FAT1: variants seen among roughly 807,000 people sequenced by gnomAD.
FAT1 encodes the protein FAT atypical cadherin 1.
A neutral mutation model predicts 329.8 loss-of-function variants in FAT1; 171 were observed. That is an observed-to-expected ratio of 0.52 (90% CI 0.46 to 0.59). The LOEUF is 0.59. Ranked by LOEUF, FAT1 falls within the 20% of genes least tolerant of loss-of-function variation. FAT1 has a pLI of 0.00. For missense variants in FAT1, 5,672 were observed against 5,774.4 expected (o/e 0.98, Z 0.57); for synonymous variants, 2,233 against 2,228.6 (o/e 1.00, Z -0.06).
At position 186,628,636 on chromosome 4, in the gene FAT1, T is replaced by C; in HGVS notation, c.4451A>G (p.Asp1484Gly). The C allele has an allele frequency of 6.2e-7, 1 of 1,614,004 alleles. No homozygotes were observed. Among genetic ancestry groups the C allele is most frequent in the Non-Finnish European group, 8.5e-7 (1 of 1,179,884 alleles). Residue 1484 changes from aspartate to glycine, a missense_variant, in exon 8 of 27, where the codon GAT becomes GGT. Asp to Gly is a moderately conservative substitution (Grantham distance 94, BLOSUM62 -1). This residue lies in a region of FAT1 where 3,966 missense variants were observed against 3,915.2 expected (regional missense o/e 1.01). Transcript: ENST00000441802. ...EILQISAVDQDEKNKLIYTLQ... is the reference protein window; with the variant it reads ...EILQISAVDQGEKNKLIYTLQ... The stretch of plus-strand genomic sequence containing the variant: ...AGTGTAGATTAGTTTGTTTTTCTCA[T>C]CCTGATCCACAGCACTGATTTGCAA...
intron 2 of FAT1, among the ~76,000 whole-genome samples, chr4:186,705,194 T>G (rs1456085214): frequency 6.6e-6 from 1 of 150,524 alleles, no homozygotes; most frequent in Non-Finnish European, 1.5e-5. Context: ...TCCTCCCACC[T>G]GCGCCTCCCA....
intron 4 of FAT1, among the ~76,000 whole-genome samples, chr4:186,638,897 G>C (rs995046831): frequency 6.6e-6 from 1 of 151,848 alleles, no homozygotes; most frequent in Non-Finnish European, 1.5e-5. Context: ...ACACGGGACA[G>C]AGAGATGTCT....
intron 2 of FAT1, among the ~76,000 whole-genome samples, chr4:186,688,948 A>G (rs187229491): frequency 1.2e-3 from 176 of 152,332 alleles, no homozygotes; most frequent in Non-Finnish European, 1.0e-3. Context: ...GGAAAATTCC[A>G]TAAACCTGAA....
intron 14 of FAT1, among the ~76,000 whole-genome samples, chr4:186,611,054 G>GA (rs1484369237): frequency 4.6e-5 from 7 of 152,082 alleles, no homozygotes; most frequent in Admixed American, 6.6e-5. Flanking sequence ...ATTACATAAG[G>GA]ACCTCTACTA....
chr4:186,665,167 T>C (rs889072713), intron 2 of FAT1, among the ~76,000 whole-genome samples: 1 of 152,238 alleles, frequency 6.6e-6, no homozygotes, highest in African/African-American at 2.4e-5. Context: ...CATTATTTCA[T>C]ACTGAACCTT....
upstream of FAT1, among the ~76,000 whole-genome samples, chr4:186,724,709 G>T (rs571082027): frequency 1.3e-5 from 2 of 152,208 alleles, no homozygotes; most frequent in Non-Finnish European, 2.9e-5. The surrounding 1 kb of genome is among the most constrained non-coding windows in gnomAD (Gnocchi z 5.3). Flanking sequence ...GTGCGGGCAG[G>T]GCTCCAGCCG....
rs371459868 is a variant in FAT1, at chr4:186,588,687, C to T, written c.13672G>A (p.Glu4558Lys). Residue 4558 changes from glutamate (E) to lysine (K), a missense_variant, in exon 27 of 27, where the codon GAG becomes AAG. Glu to Lys is a moderately conservative substitution (Grantham distance 56, BLOSUM62 1). This residue lies in a region of FAT1 where 1,706 missense variants were observed against 1,859.1 expected (regional missense o/e 0.92). Coordinates refer to ENST00000441802, the MANE Select transcript of FAT1 (RefSeq NM_005245.4). ...CTCTCATAGTCACTCATCATGACCT[C>T]GGACTCCACTTCGCAGCAGGCTGAC... ...DVSACCEVESEVMMSDYESGD... is the reference protein window; with the variant it reads ...DVSACCEVESKVMMSDYESGD... The T allele has an allele frequency of 2.6e-5, 42 of 1,613,840 alleles. No individual in the cohort carries two copies. Among genetic ancestry groups the T allele is most frequent in the Non-Finnish European group, 3.2e-5 (38 of 1,179,890 alleles).
Position 186,600,171 on chromosome 4 carries a change from G to A in FAT1, c.11830C>T (p.Leu3944=), listed in dbSNP as rs2126412991. ...AAAAACACATAGTTATCCAGGTTCA[G>A]GGTTTTCAGAGTCCCTGGGGCTGTG... The part of the protein sequence containing the change: ...SGTAPGTLKT[L]NLDNYVFFGG... Residue 3944 remains leucine, a synonymous_variant, in exon 22 of 27, where the codon CTG becomes TTG. Coordinates refer to ENST00000441802, the MANE Select transcript of FAT1 (RefSeq NM_005245.4). 6.2e-7 allele frequency: 1 copy of A among 1,614,068 alleles called. No individual in the cohort carries two copies. Among genetic ancestry groups the A allele is most frequent in the Non-Finnish European group, 8.5e-7 (1 of 1,179,900 alleles).
chr4:186,711,878 C>T (rs1183035998), intron 1 of FAT1, among the ~76,000 whole-genome samples: 1 of 152,188 alleles, frequency 6.6e-6, no homozygotes, highest in Non-Finnish European at 1.5e-5. Context: ...CGAGATCGCG[C>T]CACTGCACTC....
In FAT1 at chr4:186,620,542, T is replaced by C. The variant is rs755130565; in HGVS notation, c.6044A>G (p.His2015Arg). 1.2e-6 allele frequency: 2 copies of C among 1,613,986 alleles called. No individual in the cohort carries two copies. The highest frequency in any genetic ancestry group is 1.7e-6 in the Non-Finnish European group (2 of 1,179,894). ...AAATCTGCGATCTGGGTTGAGGATG[T>C]GATAAAACAAAGGCTCATTGATTGG... is the stretch of plus-strand genomic sequence containing the variant. ...GNPINEPLFYHILNPDRRFKI... is the reference protein window; with the variant it reads ...GNPINEPLFYRILNPDRRFKI... Residue 2015 changes from histidine (H) to arginine (R), a missense_variant, in exon 10 of 27, where the codon CAC becomes CGC. Coordinates refer to ENST00000441802, the MANE Select transcript of FAT1 (RefSeq NM_005245.4).
At chr4:186,604,851 G>C (rs575989763) in intron 17 of FAT1, among the ~76,000 whole-genome samples, 1 of 151,890 alleles carries the variant, frequency 6.6e-6, no homozygotes. Flanking sequence ...AAGCAGACAC[G>C]AGGAGGAGTG....
At chr4:186,651,972 T>C (rs555874867) in intron 3 of FAT1, among the ~76,000 whole-genome samples, 14 of 152,342 alleles carry the variant, frequency 9.2e-5, no homozygotes, top group African/African-American at 3.4e-4. Context: ...ATTCTATTCA[T>C]AGACTGGCGA....
chr4:186,656,759 C>T (rs1212995667), intron 3 of FAT1, among the ~76,000 whole-genome samples: 1 of 152,114 alleles, frequency 6.6e-6, no homozygotes, highest in Non-Finnish European at 1.5e-5. Flanking sequence ...CAGGATATTG[C>T]TAAGTTTCGA....
At chr4:186,658,482 A>T (rs1322970363) in intron 3 of FAT1, among the ~76,000 whole-genome samples, 1 of 152,202 alleles carries the variant, frequency 6.6e-6, no homozygotes, top group African/African-American at 2.4e-5. Flanking sequence ...TATTGAGGAG[A>T]TGTCTCCCTC....
intron 9 of FAT1, 107 bp from the exon 10 acceptor site, chr4:186,621,882 T>G: frequency 1.4e-6 from 1 of 722,426 alleles, no homozygotes; most frequent in Middle Eastern, 3.5e-4. Flanking sequence ...ATTCTGAAAT[T>G]AAGCAGAAAC....
chr4:186,724,435 T>C (rs1745637544), upstream of FAT1, among the ~76,000 whole-genome samples: 2 of 152,040 alleles, frequency 1.3e-5, no homozygotes, highest in Admixed American at 1.3e-4. This position sits in a 1 kb window ranked among gnomAD's most constrained non-coding sequence, Gnocchi z 5.3. Flanking sequence ...TCTGCCGAGT[T>C]AGACCCCAGG....
intron 26 of FAT1, chr4:186,590,464 G>C (rs1421250782): frequency 8.7e-7 from 1 of 1,151,590 alleles, no homozygotes; most frequent in Non-Finnish European, 1.2e-6. Context: ...CGGCTGAAAA[G>C]GCAATAAAGG....
intron 2 of FAT1, among the ~76,000 whole-genome samples, chr4:186,697,062 G>T (rs1744071146): frequency 6.6e-6 from 1 of 152,068 alleles, no homozygotes; most frequent in South Asian, 2.1e-4. Flanking sequence ...AATTAATTCT[G>T]TCTGCCAAGG....
At chr4:186,591,290 C>T (rs925209306) in intron 26 of FAT1, among the ~76,000 whole-genome samples, 1 of 152,192 alleles carries the variant, frequency 6.6e-6, no homozygotes, top group African/African-American at 2.4e-5. Flanking sequence ...ACAAGGCTTT[C>T]TATGCATTCA....
Sources: gnomAD v4.1 joint callset for allele counts (sites outside exome capture counted in the v4.1 genomes callset) on GRCh38, gnomAD v4.1.1 for gene constraint, gnomAD v4.1.1 regional missense constraint, Gnocchi (gnomAD v3.1) non-coding constraint, MANE v1.5 for transcripts, NCBI Gene and HGNC (gene_info 2026-07-23, HGNC 2026-07-21) for gene names.